Variants in KLHL1 observed in about 807,000 individuals in gnomAD.
KLHL1 encodes kelch-like protein 1.
Under a neutral mutation model 77.7 loss-of-function variants are expected in KLHL1, and 47 were observed. That is an observed-to-expected ratio of 0.60 (90% CI 0.48 to 0.77). The LOEUF (loss-of-function observed/expected upper bound fraction) is 0.77, where lower values mean the gene tolerates loss of function less well. Ranked by LOEUF, KLHL1 falls within the 30% of genes least tolerant of loss-of-function variation. The probability of loss-of-function intolerance (pLI) is 0.00; values close to 1 mark genes in which losing one functional copy is unlikely to be tolerated. For synonymous variants in KLHL1, 360 were observed against 325.2 expected, an observed-to-expected ratio of 1.11 and a Z score of -1.15; for missense variants, 925 against 910.8, an observed-to-expected ratio of 1.02 and a Z score of -0.20.
chr13:69,906,608 A>G (rs1015538310), intron 4 of KLHL1, among the ~76,000 whole-genome samples: 6 of 151,834 alleles, frequency 4.0e-5, no homozygotes, highest in Non-Finnish European at 1.5e-5. Context: ...TTACATTTTT[A>G]TTGTTCTCTT....
At chr13:69,970,033 C>T (rs1335935564) in intron 2 of KLHL1, among the ~76,000 whole-genome samples, 5 of 152,266 alleles carry the variant, frequency 3.3e-5, no homozygotes, top group African/African-American at 1.2e-4. Context: ...GTGCAGACTT[C>T]TTATCCCAGC....
intron 5 of KLHL1, among the ~76,000 whole-genome samples, chr13:69,843,702 A>G (rs1268721955): frequency 6.6e-6 from 1 of 151,818 alleles, no homozygotes; most frequent in African/African-American, 2.4e-5. Context: ...TGGCCAAAGT[A>G]CAAGATTGAT....
At chr13:70,103,023 T>C (rs1453769016) in intron 1 of KLHL1, among the ~76,000 whole-genome samples, 5 of 152,070 alleles carry the variant, frequency 3.3e-5, no homozygotes, top group Non-Finnish European at 7.4e-5. Context: ...TCAATAAGAA[T>C]TTTTTTAAAA....
chr13:69,748,175 G>A (rs1029217552), intron 7 of KLHL1, among the ~76,000 whole-genome samples: 3 of 151,934 alleles, frequency 2.0e-5, no homozygotes, highest in East Asian at 1.9e-4. Context: ...CAGAGGTGGC[G>A]ACAGAGCAAA....
intron 1 of KLHL1, among the ~76,000 whole-genome samples, chr13:70,005,625 T>G (rs1885388344): frequency 1.3e-5 from 2 of 151,942 alleles, no homozygotes; most frequent in African/African-American, 2.4e-5. Context: ...ATTAATCATA[T>G]GTACAAGATA....
At chr13:69,881,762 A>G (rs960729051) in intron 5 of KLHL1, among the ~76,000 whole-genome samples, 4 of 152,132 alleles carry the variant, frequency 2.6e-5, no homozygotes, top group African/African-American at 9.7e-5. Flanking sequence ...ATATTCCATA[A>G]TTCTAATTGC....
rs544268949 is a variant in KLHL1 at position 69,854,326 on chromosome 13, C to T, written c.1228-15164G>A. 3.0e-4 allele frequency among the ~76,000 whole-genome samples: 45 copies of T among 152,018 alleles called. 1 individual carries two copies. The highest frequency in any genetic ancestry group is 5.6e-4 in the Non-Finnish European group (38 of 67,948). ...GGGGGGCCAGTGTGTGCGGAGATCACGCAGCAAGAAATGAAGAAAGAGAGA... is the reference window on the plus strand; with the variant it reads ...GGGGGGCCAGTGTGTGCGGAGATCATGCAGCAAGAAATGAAGAAAGAGAGA... On this transcript the variant is annotated intron_variant, in intron 5 of 10. Transcript: ENST00000377844.
intron 1 of KLHL1, among the ~76,000 whole-genome samples, chr13:70,041,219 C>T (rs910073105): frequency 6.6e-6 from 1 of 152,106 alleles, no homozygotes; most frequent in African/African-American, 2.4e-5. Context: ...AACTCTAACA[C>T]TTGTGTCACC....
chr13:69,944,024 C>A (rs966729165), intron 3 of KLHL1, among the ~76,000 whole-genome samples: 1 of 152,150 alleles, frequency 6.6e-6, no homozygotes, highest in Non-Finnish European at 1.5e-5. Context: ...CACAGCAGAC[C>A]TGAACTACTA....
chr13:69,800,130 C>T (rs1877311371), intron 6 of KLHL1, among the ~76,000 whole-genome samples: 1 of 152,182 alleles, frequency 6.6e-6, no homozygotes, highest in Admixed American at 6.5e-5. Flanking sequence ...CACCACATTC[C>T]TTGTTACTCC....
intron 7 of KLHL1, among the ~76,000 whole-genome samples, chr13:69,758,508 C>A (rs1874872243): frequency 6.6e-6 from 1 of 152,006 alleles, no homozygotes; most frequent in African/African-American, 2.4e-5. Flanking sequence ...AAAATCACAT[C>A]TTCATGCCTT....
At chr13:69,818,217 A>ATTTTTTTTTT (rs1878195724) in intron 6 of KLHL1, among the ~76,000 whole-genome samples, 2 of 124,430 alleles carry the variant, frequency 1.6e-5, no homozygotes, top group African/African-American at 7.7e-5. Flanking sequence ...ACTCATAGGC[A>ATTTTTTTTTT]TCTTTTTTTT....
intron 7 of KLHL1, among the ~76,000 whole-genome samples, chr13:69,794,603 G>T (rs1877022282): frequency 6.6e-6 from 1 of 151,526 alleles, no homozygotes; most frequent in Non-Finnish European, 1.5e-5. Flanking sequence ...GAAGGAAGAT[G>T]AATCTACAAT....
intron 4 of KLHL1, among the ~76,000 whole-genome samples, chr13:69,887,628 G>A (rs948275930): frequency 6.6e-6 from 1 of 152,096 alleles, no homozygotes. Context: ...ACACAATTCA[G>A]CTAAGTTCTT....
chr13:69,891,732 T>C (rs1027878328), intron 4 of KLHL1, among the ~76,000 whole-genome samples: 1 of 152,062 alleles, frequency 6.6e-6, no homozygotes, highest in African/African-American at 2.4e-5. Flanking sequence ...ATTTAAACTT[T>C]GGAATGTTAT....
chr13:69,945,335 CAT>C (rs751931073), intron 3 of KLHL1, among the ~76,000 whole-genome samples: 13 of 151,794 alleles, frequency 8.6e-5, no homozygotes, highest in Non-Finnish European at 1.6e-4. Context: ...ATATCAAAAA[CAT>C]AATTTCTCAA....
chr13:69,811,657 A>C (rs957291883), intron 6 of KLHL1, among the ~76,000 whole-genome samples: 1 of 152,082 alleles, frequency 6.6e-6, no homozygotes, highest in Non-Finnish European at 1.5e-5. Flanking sequence ...GAAATAAAAG[A>C]CATCCAAGTA....
intron 1 of KLHL1, among the ~76,000 whole-genome samples, chr13:70,062,172 T>A (rs2040330870): frequency 6.6e-6 from 1 of 152,152 alleles, no homozygotes; most frequent in Non-Finnish European, 1.5e-5. Context: ...CGCTTGTATT[T>A]TCTGAAACAT....
intron 4 of KLHL1, among the ~76,000 whole-genome samples, chr13:69,923,012 T>G (rs1882693379): frequency 6.6e-6 from 1 of 152,160 alleles, no homozygotes. Flanking sequence ...AATGAATTAT[T>G]TAAAGAATTA....
Sources: gnomAD v4.1 joint callset for allele counts (sites outside exome capture counted in the v4.1 genomes callset) on GRCh38, gnomAD v4.1.1 for gene constraint, MANE v1.5 for transcripts, NCBI Gene and HGNC (gene_info 2026-07-23, HGNC 2026-07-21) for gene names.